ADAMTS2: variants seen among roughly 807,000 people sequenced by gnomAD.
ADAMTS2 encodes A disintegrin and metalloproteinase with thrombospondin motifs 2.
ADAMTS2 carries 50 observed loss-of-function variants against 123.0 expected under a neutral mutation model. The observed-to-expected ratio is 0.41, with a 90% confidence interval of 0.32 to 0.51. ADAMTS2 has a LOEUF of 0.51. ADAMTS2 is among the 20% of genes least tolerant of loss of function. The pLI is 0.35. For missense variants in ADAMTS2, 1,494 were observed against 1,705.2 expected (o/e 0.88, Z 2.18); for synonymous variants, 678 against 695.4 (o/e 0.98, Z 0.39).
intron 3 of ADAMTS2, among the ~76,000 whole-genome samples, chr5:179,232,269 C>T (rs1035551721): frequency 3.9e-5 from 6 of 152,318 alleles, no homozygotes; most frequent in South Asian, 2.1e-4. Context: ...TGCCCAAGTG[C>T]GGCGCCATGG....
At chr5:179,114,375 T>C in intron 21 of ADAMTS2, 51 bp from the exon 22 acceptor site, 1 of 1,552,650 alleles carries the variant, frequency 6.4e-7, no homozygotes, top group Non-Finnish European at 8.8e-7. Flanking sequence ...AAGGGGGACT[T>C]TGTTCCCCCA....
intron 2 of ADAMTS2, among the ~76,000 whole-genome samples, chr5:179,326,694 A>C (rs900504647): frequency 1.6e-4 from 25 of 152,046 alleles, no homozygotes; most frequent in African/African-American, 6.0e-4. Flanking sequence ...AACCCACCAG[A>C]GTAGTTACCG....
chr5:179,329,154 C>T (rs528888667), intron 2 of ADAMTS2, among the ~76,000 whole-genome samples: 87 of 152,074 alleles, frequency 5.7e-4, no homozygotes, highest in Admixed American at 7.9e-4. Flanking sequence ...GGTGAAACCC[C>T]GTCTCTACTA....
intron 2 of ADAMTS2, among the ~76,000 whole-genome samples, chr5:179,292,965 G>A (rs1756228566): frequency 6.6e-6 from 1 of 152,170 alleles, no homozygotes. Context: ...TGTTTTCCTA[G>A]AGGTTGTCAG....
At position 179,128,962 on chromosome 5, in the gene ADAMTS2, T is replaced by C. The variant is rs1762911634; in HGVS notation, c.2458-844A>G. On this transcript the variant is annotated intron_variant, in intron 16 of 21. Transcript: ENST00000251582. The surrounding 1 kb of genome is among the most constrained non-coding windows in gnomAD (Gnocchi z 4.9). ...CTCAACAGACTGCAGAAAGAACCCC[T>C]GTTTGTGGGATGAGAGCAGAAACAA... Among the ~76,000 whole-genome samples the C allele has an allele frequency of 6.6e-6, 1 of 150,822 alleles. No homozygotes were observed. The highest frequency in any genetic ancestry group is 6.6e-5 in the Admixed American group (1 of 15,166).
intron 21 of ADAMTS2, among the ~76,000 whole-genome samples, chr5:179,116,042 G>A (rs1581133481): frequency 6.6e-6 from 1 of 151,986 alleles, no homozygotes; most frequent in South Asian, 2.1e-4. Flanking sequence ...ACCCTGTCTC[G>A]GTGCATGGTG....
At chr5:179,215,957 G>A (rs1561810245) in intron 3 of ADAMTS2, among the ~76,000 whole-genome samples, 1 of 152,078 alleles carries the variant, frequency 6.6e-6, no homozygotes, top group Non-Finnish European at 1.5e-5. Context: ...GTATGAAAGT[G>A]GAATAAGGAC....
rs974000616 is a variant in ADAMTS2 at position 179,112,061 on chromosome 5, T to C, written c.*1806A>G. 3 of 152,378 alleles carry C rather than the reference T, an allele frequency of 2.0e-5. No individual in the cohort carries two copies. Among genetic ancestry groups the C allele is most frequent in the South Asian group, 2.1e-4 (1 of 4,822 alleles). 9.4% of individuals were successfully genotyped at this position (152,378 alleles called of 1,614,324 possible). ...CAGCCCAGATTCCGTTCTTGCTGGT[T>C]CCTACATCGTCATTTTGTCCCTTGG... On this transcript the variant is annotated 3_prime_UTR_variant, in exon 22 of 22. Transcript: ENST00000251582.
rs187447600 is a variant in ADAMTS2 at position 179,263,549 on chromosome 5, G to A, written c.688+9362C>T. On this transcript the variant is annotated intron_variant, in intron 3 of 21. Transcript: ENST00000251582. ...CCTGCAGGCTCTCTCTGGGTGTGCC[G>A]ACAGTTTGGGATGGGAGGCGTGGGA... 1.4e-3 allele frequency among the ~76,000 whole-genome samples: 218 copies of A among 152,342 alleles called. 1 individual carries two copies. Among genetic ancestry groups the A allele is most frequent in the African/African-American group, 4.6e-3 (191 of 41,584 alleles).
rs1764451909 is a variant in ADAMTS2, at chr5:179,197,383, G to C, written c.891+10130C>G. 6.6e-6 allele frequency among the ~76,000 whole-genome samples: 1 copy of C among 152,170 alleles called. No individual in the cohort carries two copies. The highest frequency in any genetic ancestry group is 6.5e-5 in the Admixed American group (1 of 15,278). On this transcript the variant is annotated intron_variant, in intron 4 of 21. Transcript: ENST00000251582. This position sits in a 1 kb window ranked among gnomAD's most constrained non-coding sequence, Gnocchi z 4.2. ...AAGCCACAAAGGAAGCTTCAGCCTT[G>C]GGCCCAAGCTTTATATTTCTTGAAG...
At chr5:179,116,848 A>C (rs1050519630) in intron 21 of ADAMTS2, among the ~76,000 whole-genome samples, 3 of 152,144 alleles carry the variant, frequency 2.0e-5, no homozygotes, top group Non-Finnish European at 2.9e-5. Context: ...TCCACCATGA[A>C]AAGGGAGTTA....
intron 2 of ADAMTS2, among the ~76,000 whole-genome samples, chr5:179,337,208 A>T (rs1465852832): frequency 6.6e-6 from 1 of 152,092 alleles, no homozygotes; most frequent in African/African-American, 2.4e-5. Context: ...GGGGGTGTCT[A>T]ACGTGGCGCC....
chr5:179,300,262 A>T (rs907566285), intron 2 of ADAMTS2, among the ~76,000 whole-genome samples: 1 of 152,158 alleles, frequency 6.6e-6, no homozygotes, highest in African/African-American at 2.4e-5. Flanking sequence ...TGGGACATGG[A>T]CAACTTTGGG....
chr5:179,194,426 G>T (rs1333250324), intron 4 of ADAMTS2, among the ~76,000 whole-genome samples: 3 of 152,188 alleles, frequency 2.0e-5, no homozygotes, highest in Non-Finnish European at 4.4e-5. Context: ...GTGGGCAGGC[G>T]GGTGGGCCTC....
rs1183222035 is a variant in ADAMTS2 at position 179,161,371 on chromosome 5, C to T, written c.976-2492G>A. Among the ~76,000 whole-genome samples, 14 of 152,280 alleles carry T rather than the reference C, an allele frequency of 9.2e-5. No individual in the cohort carries two copies. In the East Asian group the frequency reaches 1.3e-3, roughly 15 times the overall value. ...CGTGGGCCTTGTGGTTGGTTGTACT[C>T]GCTGAACTTAAGATTGGCAGCCCAG... On this transcript the variant is annotated intron_variant, in intron 5 of 21. Coordinates refer to ENST00000251582, the MANE Select transcript of ADAMTS2 (RefSeq NM_014244.5).
At position 179,320,330 on chromosome 5, in the gene ADAMTS2, C is replaced by T. The variant is rs150196394; in HGVS notation, c.534+23437G>A. ...CCATTTTTTTGGGTTTTTTTTGAGA[C>T]GGAGTCTCGCTCTGTCACTCAGGCT... is the stretch of plus-strand genomic sequence containing the variant. On this transcript the variant is annotated intron_variant, in intron 2 of 21. Transcript: ENST00000251582. Among the ~76,000 whole-genome samples, 33 of 152,250 alleles carry T rather than the reference C, an allele frequency of 2.2e-4. No individual in the cohort carries two copies. The East Asian group carries it at 5.4e-3, about 25-fold the overall frequency.
chr5:179,275,458 G>A (rs1367982971), intron 2 of ADAMTS2, among the ~76,000 whole-genome samples: 1 of 152,190 alleles, frequency 6.6e-6, no homozygotes, highest in African/African-American at 2.4e-5. Context: ...TGTGAGGGTA[G>A]TGGACATGGT....
chr5:179,324,443 T>A (rs114447995), intron 2 of ADAMTS2, among the ~76,000 whole-genome samples: 2,031 of 148,218 alleles, frequency 0.014, 52 homozygotes, highest in African/African-American at 0.048. Context: ...CCAACTGGAG[T>A]GCAGTGGTGC....
At chr5:179,238,278 G>T (rs1324982669) in intron 3 of ADAMTS2, among the ~76,000 whole-genome samples, 1 of 152,206 alleles carries the variant, frequency 6.6e-6, no homozygotes, top group Non-Finnish European at 1.5e-5. Flanking sequence ...CACCTGCTGG[G>T]TGTCCACGGA....
Sources: allele counts gnomAD v4.1 joint callset (sites outside exome capture counted in the v4.1 genomes callset), GRCh38; gene constraint gnomAD v4.1.1; non-coding constraint Gnocchi (gnomAD v3.1); transcripts MANE v1.5; gene names NCBI Gene and HGNC (gene_info 2026-07-23, HGNC 2026-07-21).